The following MSI2 variants were observed in gnomAD, a reference collection of about 807,000 sequenced individuals.
The protein encoded by MSI2 is RNA-binding protein Musashi homolog 2.
In MSI2, 17 loss-of-function variants were observed where a neutral mutation model predicts 45.6. The ratio of observed to expected loss-of-function variants is 0.37; its 90% CI spans 0.26 to 0.56. MSI2 has a LOEUF of 0.56. Ranked by LOEUF, MSI2 falls within the 20% of genes least tolerant of loss-of-function variation. The pLI, the probability that MSI2 is intolerant of heterozygous loss-of-function variation, is 0.77. For missense variants in MSI2, 293 were observed against 444.2 expected (o/e 0.66, Z 3.06); for synonymous variants, 156 against 158.2 (o/e 0.99, Z 0.11).
At chr17:57,317,734 G>A (rs369855822) in intron 5 of MSI2, among the ~76,000 whole-genome samples, 7 of 152,246 alleles carry the variant, frequency 4.6e-5, no homozygotes, top group African/African-American at 1.7e-4. Context: ...CTGAGATAGG[G>A]ACTTATTTCC....
rs34296387 is a variant in MSI2 at position 57,595,274 on chromosome 17, A to G, written c.455-1594A>G. ...CTCATTGACTGGAAACACAATTATC[A>G]TAATATAATTGTGATAGAACAGCCA... is the stretch of plus-strand genomic sequence containing the variant. On this transcript the variant is annotated intron_variant, in intron 7 of 13. Transcript: ENST00000284073. Among the ~76,000 whole-genome samples the G allele has an allele frequency of 3.3e-5, 5 of 152,066 alleles. No homozygotes were observed. The South Asian group carries it at 1.0e-3, about 32-fold the overall frequency.
chr17:57,616,092 T>G lies in MSI2; in HGVS notation c.652+8T>G. On this transcript the variant is annotated splice_region_variant and intron_variant, in intron 9 of 13. Transcript: ENST00000284073. Reference sequence around the variant, plus strand: ...TTGGCATGGGGATGCTGGGTGAGTCTGGACAGGACCGCAGGTCACCATGGA... The same window carrying G: ...TTGGCATGGGGATGCTGGGTGAGTCGGGACAGGACCGCAGGTCACCATGGA... The G allele has an allele frequency of 3.1e-6, 5 of 1,610,584 alleles. No homozygotes were observed. The highest frequency in any genetic ancestry group is 3.4e-6 in the Non-Finnish European group (4 of 1,177,154).
At chr17:57,514,609 A>G (rs570046629) in intron 6 of MSI2, among the ~76,000 whole-genome samples, 1 of 152,322 alleles carries the variant, frequency 6.6e-6, no homozygotes, top group South Asian at 2.1e-4. Flanking sequence ...TAAATGAAAG[A>G]AAAACATACT....
At chr17:57,560,589 C>T (rs1375843823) in intron 7 of MSI2, among the ~76,000 whole-genome samples, 1 of 152,240 alleles carries the variant, frequency 6.6e-6, no homozygotes, top group Non-Finnish European at 1.5e-5. Flanking sequence ...AGCTGAGCAA[C>T]CTTAGGCCAG....
intron 8 of MSI2, among the ~76,000 whole-genome samples, chr17:57,606,757 A>G (rs745679567): frequency 2.0e-5 from 3 of 152,308 alleles, no homozygotes; most frequent in African/African-American, 2.4e-5. Context: ...AGAGGAAACA[A>G]TGGATGAAAT....
intron 6 of MSI2, among the ~76,000 whole-genome samples, chr17:57,525,099 A>C (rs1366346919): frequency 6.6e-6 from 1 of 152,166 alleles, no homozygotes; most frequent in Non-Finnish European, 1.5e-5. Context: ...CAGCCATAGA[A>C]ACTAACAGAT....
chr17:57,499,794 G>A (rs927695902), intron 6 of MSI2, among the ~76,000 whole-genome samples: 1 of 152,194 alleles, frequency 6.6e-6, no homozygotes, highest in Non-Finnish European at 1.5e-5. Flanking sequence ...ATCTGTCCAA[G>A]GGATCTCAGG....
intron 6 of MSI2, among the ~76,000 whole-genome samples, chr17:57,508,295 G>T (rs764425952): frequency 6.6e-6 from 1 of 152,122 alleles, no homozygotes. Context: ...TCTGCTGCCC[G>T]TATCCAGCGC....
At chr17:57,446,482 C>G (rs1438821616) in intron 6 of MSI2, among the ~76,000 whole-genome samples, 1 of 152,202 alleles carries the variant, frequency 6.6e-6, no homozygotes, top group East Asian at 1.9e-4. Context: ...ACAGCTGGCC[C>G]CCTTTGGGGC....
chr17:57,429,804 A>G (rs2084562013), intron 6 of MSI2, among the ~76,000 whole-genome samples: 1 of 152,072 alleles, frequency 6.6e-6, no homozygotes, highest in South Asian at 2.1e-4. Flanking sequence ...CTGGAGAACC[A>G]GCATTCTGGT....
chr17:57,584,476 C>T (rs1195795150), intron 7 of MSI2, among the ~76,000 whole-genome samples: 1 of 152,122 alleles, frequency 6.6e-6, no homozygotes, highest in African/African-American at 2.4e-5. Context: ...GGAATGACCC[C>T]CCTGTGGGGG....
the MSI2 span, among the ~76,000 whole-genome samples, chr17:57,696,086 A>G: frequency 6.6e-6 from 1 of 152,204 alleles, no homozygotes; most frequent in South Asian, 2.1e-4. Flanking sequence ...TTGGGGAGAC[A>G]TGAATATTCG....
At chr17:57,370,557 G>A (rs557597169) in intron 5 of MSI2, among the ~76,000 whole-genome samples, 1 of 152,264 alleles carries the variant, frequency 6.6e-6, no homozygotes, top group South Asian at 2.1e-4. Flanking sequence ...TCCTAAGACT[G>A]GAATGAGACT....
intron 5 of MSI2, among the ~76,000 whole-genome samples, chr17:57,338,150 C>T (rs1014165503): frequency 3.9e-5 from 6 of 151,948 alleles, no homozygotes; most frequent in South Asian, 2.1e-4. Flanking sequence ...AATGCAGTGG[C>T]GTGATCTCGG....
rs1271921375 is a variant in MSI2 at position 57,579,476 on chromosome 17, C to T, written c.455-17392C>T. Reference sequence around the variant, plus strand: ...TGTGGCCTGCTCTGAGTGGCAGACGCATCTGCCTCCAGTCAAGGGCCGCCT... The same window carrying T: ...TGTGGCCTGCTCTGAGTGGCAGACGTATCTGCCTCCAGTCAAGGGCCGCCT... On this transcript the variant is annotated intron_variant, in intron 7 of 13. Transcript: ENST00000284073. Among the ~76,000 whole-genome samples the T allele has an allele frequency of 2.0e-5, 3 of 152,290 alleles. No homozygotes were observed. In the East Asian group the frequency reaches 5.8e-4, roughly 29 times the overall value.
At chr17:57,502,906 G>C (rs2086148095) in intron 6 of MSI2, among the ~76,000 whole-genome samples, 1 of 151,966 alleles carries the variant, frequency 6.6e-6, no homozygotes. Flanking sequence ...GCCCTGGCTT[G>C]CTCACCAAGC....
At chr17:57,607,309 A>C (rs558144925) in intron 8 of MSI2, among the ~76,000 whole-genome samples, 1 of 152,218 alleles carries the variant, frequency 6.6e-6, no homozygotes, top group Non-Finnish European at 1.5e-5. Flanking sequence ...TGCCTTTTGC[A>C]AACAGGTCTG....
intron 6 of MSI2, among the ~76,000 whole-genome samples, chr17:57,426,159 T>C (rs982430344): frequency 1.3e-5 from 2 of 152,142 alleles, no homozygotes; most frequent in Non-Finnish European, 2.9e-5. Context: ...GAAACAAAAA[T>C]GGTGGCAAAT....
chr17:57,700,902 T>TA, the MSI2 span, among the ~76,000 whole-genome samples: 6,840 of 145,646 alleles, frequency 0.047, 153 homozygotes, highest in Middle Eastern at 0.081. Flanking sequence ...AACTCTGTCT[T>TA]AAAAAAAAAA....
Sources: gnomAD v4.1 joint callset for allele counts (sites outside exome capture counted in the v4.1 genomes callset) on GRCh38, gnomAD v4.1.1 for gene constraint, MANE v1.5 for transcripts, NCBI Gene and HGNC (gene_info 2026-07-23, HGNC 2026-07-21) for gene names.